The following ADCY9 variants were observed in gnomAD, a reference collection of about 807,000 sequenced individuals.
ADCY9 encodes adenylate cyclase type 9.
Under a neutral mutation model 101.5 loss-of-function variants are expected in ADCY9, and 50 were observed. The ratio of observed to expected loss-of-function variants is 0.49; its 90% CI spans 0.39 to 0.62. The LOEUF (loss-of-function observed/expected upper bound fraction) is 0.62, where lower values mean the gene tolerates loss of function less well. Among genes scored for constraint, ADCY9 ranks in the 20% least tolerant of loss-of-function variants. The pLI is 0.00. For synonymous variants in ADCY9, 905 were observed against 769.3 expected (o/e 1.18, Z -2.92); for missense variants, 1,662 against 1,800.4 (o/e 0.92, Z 1.39).
chr16:4,019,780 GAGA>G (rs1475177993), intron 2 of ADCY9, among the ~76,000 whole-genome samples: 1 of 152,208 alleles, frequency 6.6e-6, no homozygotes, highest in African/African-American at 2.4e-5. Flanking sequence ...TGAGTACTTA[GAGA>G]AGAAGAGATA....
intron 2 of ADCY9, among the ~76,000 whole-genome samples, chr16:4,069,661 T>C (rs2056821481): frequency 6.6e-6 from 1 of 152,184 alleles, no homozygotes; most frequent in South Asian, 2.1e-4. Context: ...AATTATTCTC[T>C]TGTATCTACA....
At chr16:4,083,599 C>G (rs2056918929) in intron 2 of ADCY9, among the ~76,000 whole-genome samples, 1 of 152,152 alleles carries the variant, frequency 6.6e-6, no homozygotes. Context: ...AAAAGTGAAA[C>G]AACCCAAATA....
chr16:4,053,467 T>C (rs1233735954), intron 2 of ADCY9, among the ~76,000 whole-genome samples: 5 of 151,228 alleles, frequency 3.3e-5, no homozygotes, highest in Non-Finnish European at 2.9e-5. Context: ...CCCAGAGCAC[T>C]TGCCCTTCCT....
At chr16:4,111,641 A>C (rs2057114493) in intron 2 of ADCY9, among the ~76,000 whole-genome samples, 1 of 152,206 alleles carries the variant, frequency 6.6e-6, no homozygotes, top group Admixed American at 6.5e-5. Context: ...GAGCTCAAGA[A>C]AACAAAATCG....
rs1433080015 is a variant in ADCY9, at chr16:4,106,823, G to A, written c.1693+6927C>T. On this transcript the variant is annotated intron_variant, in intron 2 of 10. Coordinates refer to ENST00000294016, the MANE Select transcript of ADCY9 (RefSeq NM_001116.4). ...TTCCACAGCAAAGTACATAGGCAAC[G>A]CTGACCAATATGCAGAAACATAATT... 4.6e-5 allele frequency among the ~76,000 whole-genome samples: 7 copies of A among 152,252 alleles called. No homozygotes were observed. In the East Asian group the frequency reaches 7.7e-4, roughly 17 times the overall value.
At chr16:4,023,364 T>C (rs2056491229) in intron 2 of ADCY9, among the ~76,000 whole-genome samples, 1 of 152,074 alleles carries the variant, frequency 6.6e-6, no homozygotes, top group East Asian at 1.9e-4. Context: ...ATACCCAACA[T>C]GCGGTTTGGA....
intron 2 of ADCY9, among the ~76,000 whole-genome samples, chr16:4,087,974 C>T (rs111850806): frequency 3.3e-5 from 5 of 150,954 alleles, no homozygotes; most frequent in Non-Finnish European, 7.4e-5. Context: ...CTCACTCTGT[C>T]ACCCAGGCTG....
Position 3,966,107 on chromosome 16 carries a change from T to A in ADCY9, c.3730A>T (p.Lys1244Ter). The A allele has an allele frequency of 6.2e-7, 1 of 1,614,238 alleles. No individual in the cohort carries two copies. Among genetic ancestry groups the A allele is most frequent in the Non-Finnish European group, 8.5e-7 (1 of 1,180,040 alleles). The change falls in exon 11 of 11, where the codon AAG becomes TAG. Residue 1244 changes from lysine (K) to a stop codon, truncating the protein, a stop_gained. Coordinates refer to ENST00000294016, the MANE Select transcript of ADCY9 (RefSeq NM_001116.4). LOFTEE classifies it high-confidence loss of function. ...GGGATGACCCTGTGATCCGTGCACT[T>A]TGGGTACAGGTAGGTCTTCATCTGG... Reference protein sequence around the residue: ...KGQMKTYLYPKCTDHRVIPQH... With the variant: ...KGQMKTYLYP
chr16:4,064,260 G>C (rs1364226593), intron 2 of ADCY9, among the ~76,000 whole-genome samples: 1 of 152,134 alleles, frequency 6.6e-6, no homozygotes, highest in African/African-American at 2.4e-5. Context: ...AATGTAAGGA[G>C]ATACCAGGTT....
At chr16:4,027,615 G>A (rs570384922) in intron 2 of ADCY9, among the ~76,000 whole-genome samples, 116 of 152,234 alleles carry the variant, frequency 7.6e-4, no homozygotes, top group Non-Finnish European at 1.5e-3. Flanking sequence ...GGTGGCTCAC[G>A]CCTGTAATCC....
At chr16:4,049,068 CA>C (rs1157856936) in intron 2 of ADCY9, among the ~76,000 whole-genome samples, 1 of 148,150 alleles carries the variant, frequency 6.7e-6, no homozygotes, top group Non-Finnish European at 1.5e-5. Context: ...GCTGGGGCAG[CA>C]AAGGACACTA....
Position 3,993,460 on chromosome 16 carries a change from G to T in ADCY9, c.1935C>A (p.Ala645=). The change falls in exon 4 of 11, where the codon GCC becomes GCA. Residue 645 remains alanine (A), a synonymous_variant. Transcript: ENST00000294016. ...AGCCGTTTTGAGGTGCTCCTCCCTC[G>T]GCGCCGGCTTCAGATTTGGGAGCAA... is the stretch of plus-strand genomic sequence containing the variant. The part of the protein sequence containing the change: ...ITFAPKSEAG[A]EGGAPQNGCQ... The T allele has an allele frequency of 6.2e-7, 1 of 1,614,178 alleles. No individual in the cohort carries two copies. Among genetic ancestry groups the T allele is most frequent in the Non-Finnish European group, 8.5e-7 (1 of 1,180,032 alleles).
downstream of ADCY9, among the ~76,000 whole-genome samples, chr16:3,957,812 G>A (rs999173245): frequency 6.6e-6 from 1 of 152,128 alleles, no homozygotes; most frequent in African/African-American, 2.4e-5. Context: ...CGGGGCGCGG[G>A]CATTTCGCTC....
intron 2 of ADCY9, among the ~76,000 whole-genome samples, chr16:4,087,892 CCT>C (rs772834896): frequency 3.4e-5 from 5 of 146,954 alleles, no homozygotes; most frequent in Non-Finnish European, 5.9e-5. Context: ...TCGCTCTCTC[CCT>C]CTCTTTCTCC....
At chr16:4,012,345 G>A (rs2056409731) in intron 2 of ADCY9, among the ~76,000 whole-genome samples, 1 of 152,100 alleles carries the variant, frequency 6.6e-6, no homozygotes, top group Non-Finnish European at 1.5e-5. Context: ...ATCAGGACAG[G>A]TTACTGAGTT....
chr16:4,100,390 C>T lies in ADCY9; in HGVS notation c.1693+13360G>A, dbSNP rs976949345. On this transcript the variant is annotated intron_variant, in intron 2 of 10. Transcript: ENST00000294016. ...TGTTGCCCAGGCTGGAGTACAGTGGCGCGATCTGGGCTCACTGCAACCTCC... is the reference window on the plus strand; with the variant it reads ...TGTTGCCCAGGCTGGAGTACAGTGGTGCGATCTGGGCTCACTGCAACCTCC... 9.9e-5 allele frequency among the ~76,000 whole-genome samples: 15 copies of T among 152,020 alleles called. No individual in the cohort carries two copies. In the East Asian group the frequency reaches 2.1e-3, roughly 22 times the overall value.
At chr16:4,030,744 C>T (rs886502396) in intron 2 of ADCY9, among the ~76,000 whole-genome samples, 11 of 151,682 alleles carry the variant, frequency 7.3e-5, no homozygotes, top group Admixed American at 5.3e-4. Flanking sequence ...TCCATTTGTA[C>T]GAAATTCAAA....
chr16:4,084,165 G>T (rs537623285), intron 2 of ADCY9, among the ~76,000 whole-genome samples: 1 of 152,094 alleles, frequency 6.6e-6, no homozygotes, highest in Non-Finnish European at 1.5e-5. Flanking sequence ...AGGCTGGAAT[G>T]CAGTGGCACA....
chr16:4,113,409 G>C (rs2057126337), intron 2 of ADCY9, among the ~76,000 whole-genome samples: 1 of 152,210 alleles, frequency 6.6e-6, no homozygotes, highest in Non-Finnish European at 1.5e-5. Flanking sequence ...ATTTCCTTAA[G>C]TGCTAAACAG....
Sources: gnomAD v4.1 joint callset for allele counts (sites outside exome capture counted in the v4.1 genomes callset) on GRCh38, gnomAD v4.1.1 for gene constraint, MANE v1.5 for transcripts, NCBI Gene and HGNC (gene_info 2026-07-23, HGNC 2026-07-21) for gene names.